Variants in ARHGAP42 observed in about 807,000 individuals in gnomAD.
ARHGAP42 encodes Rho GTPase activating protein 42, also known as rho GTPase-activating protein 42.
ARHGAP42 carries 63 observed loss-of-function variants against 125.0 expected under a neutral mutation model. The observed-to-expected ratio is 0.50, with a 90% confidence interval of 0.41 to 0.62. The LOEUF is 0.62. Among genes scored for constraint, ARHGAP42 ranks in the 20% least tolerant of loss-of-function variants. The probability of loss-of-function intolerance (pLI) is 0.00; values close to 1 mark genes in which losing one functional copy is unlikely to be tolerated. For synonymous variants in ARHGAP42, 339 were observed against 351.0 expected, an observed-to-expected ratio of 0.97 and a Z score of 0.38; for missense variants, 766 against 1,024.2, an observed-to-expected ratio of 0.75 and a Z score of 3.44.
chr11:100,847,050 A>G (rs1431971703), intron 3 of ARHGAP42, among the ~76,000 whole-genome samples: 3 of 152,166 alleles, frequency 2.0e-5, no homozygotes, highest in African/African-American at 4.8e-5. Context: ...GTCCAGTGAC[A>G]GTGGGATGGA....
At chr11:100,967,072 C>T (rs1014862140) in intron 17 of ARHGAP42, among the ~76,000 whole-genome samples, 1 of 152,096 alleles carries the variant, frequency 6.6e-6, no homozygotes, top group African/African-American at 2.4e-5. Context: ...CCCTGCTCAC[C>T]GAATGTGCAT....
chr11:100,776,477 G>A (rs1863123036), intron 2 of ARHGAP42, among the ~76,000 whole-genome samples: 1 of 152,160 alleles, frequency 6.6e-6, no homozygotes, highest in African/African-American at 2.4e-5. Context: ...CTGTGGTAGT[G>A]ACAGGCAATA....
At position 100,901,743 on chromosome 11, in the gene ARHGAP42, G is replaced by C. The variant is rs188489264; in HGVS notation, c.385-11709G>C. 5.8e-3 allele frequency among the ~76,000 whole-genome samples: 889 copies of C among 152,350 alleles called. 11 individuals are homozygous for C. The highest frequency in any genetic ancestry group is 0.02 in the African/African-American group (847 of 41,578). On this transcript the variant is annotated intron_variant, in intron 4 of 23. Coordinates refer to ENST00000298815, the MANE Select transcript of ARHGAP42 (RefSeq NM_152432.4). Reference sequence around the variant, plus strand: ...GCCAGGCACGGGAGAGAATCTCCTTGTCTGCTGGTTGCTAAGACCTTGGGA... The same window carrying C: ...GCCAGGCACGGGAGAGAATCTCCTTCTCTGCTGGTTGCTAAGACCTTGGGA...
intron 4 of ARHGAP42, among the ~76,000 whole-genome samples, chr11:100,905,614 G>A (rs1272793369): frequency 6.6e-6 from 1 of 151,990 alleles, no homozygotes; most frequent in Non-Finnish European, 1.5e-5. Context: ...TTGTTTCTTG[G>A]CATCAGTAAT....
At chr11:100,929,569 C>T (rs896216786) in intron 6 of ARHGAP42, among the ~76,000 whole-genome samples, 1 of 152,190 alleles carries the variant, frequency 6.6e-6, no homozygotes, top group African/African-American at 2.4e-5. Flanking sequence ...CCCTCACACA[C>T]ACTTGCTATT....
intron 4 of ARHGAP42, among the ~76,000 whole-genome samples, chr11:100,863,048 AAAAAACAC>A (rs1262340530): frequency 4.3e-5 from 4 of 92,376 alleles, no homozygotes; most frequent in East Asian, 4.7e-4. Context: ...AAAAAAAAAA[AAAAAACAC>A]AAAACACACA....
intron 1 of ARHGAP42, among the ~76,000 whole-genome samples, chr11:100,710,116 A>G (rs1380753163): frequency 6.6e-6 from 1 of 152,228 alleles, no homozygotes; most frequent in Non-Finnish European, 1.5e-5. Context: ...TAATGTGGAC[A>G]GCTTAAGTCA....
At chr11:100,756,118 G>T (rs1423902587) in intron 1 of ARHGAP42, among the ~76,000 whole-genome samples, 1 of 151,386 alleles carries the variant, frequency 6.6e-6, no homozygotes, top group African/African-American at 2.4e-5. Flanking sequence ...AGGCATGGTG[G>T]GTCATGCCTG....
intron 4 of ARHGAP42, among the ~76,000 whole-genome samples, chr11:100,868,660 TG>T: frequency 6.6e-6 from 1 of 152,290 alleles, no homozygotes; most frequent in South Asian, 2.1e-4. Context: ...TAAGGAATAC[TG>T]ATGAGCTCAT....
At chr11:100,932,604 G>A (rs1187197075) in intron 6 of ARHGAP42, among the ~76,000 whole-genome samples, 3 of 152,130 alleles carry the variant, frequency 2.0e-5, no homozygotes, top group Non-Finnish European at 2.9e-5. Context: ...CTAGTTCAAT[G>A]ATTTTGCTCA....
chr11:100,752,998 T>C (rs1346371037), intron 1 of ARHGAP42, among the ~76,000 whole-genome samples: 1 of 152,194 alleles, frequency 6.6e-6, no homozygotes, highest in Non-Finnish European at 1.5e-5. Flanking sequence ...CCAGGGGATG[T>C]ACTCTGGTTT....
At position 100,795,327 on chromosome 11, in the gene ARHGAP42, C is replaced by T. The variant is rs140409311; in HGVS notation, c.312+161C>T. ...TGAAAAGATTTGTGACTATAATTATCATATATTGCTGATAAGATATACCAT... is the reference window on the plus strand; with the variant it reads ...TGAAAAGATTTGTGACTATAATTATTATATATTGCTGATAAGATATACCAT... On this transcript the variant is annotated intron_variant, in intron 3 of 23. Transcript: ENST00000298815. Among the ~76,000 whole-genome samples, 1,227 of 152,270 alleles carry T rather than the reference C, an allele frequency of 8.1e-3. 16 individuals carry two copies. Among genetic ancestry groups the T allele is most frequent in the South Asian group, 0.018 (89 of 4,828 alleles).
chr11:100,747,422 T>G (rs1862329821), intron 1 of ARHGAP42, among the ~76,000 whole-genome samples: 1 of 152,246 alleles, frequency 6.6e-6, no homozygotes, highest in South Asian at 2.1e-4. Context: ...ATTTTTAATG[T>G]CTGACCATAA....
At chr11:100,725,934 C>CAAG (rs1347492990) in intron 1 of ARHGAP42, among the ~76,000 whole-genome samples, 2 of 99,280 alleles carry the variant, frequency 2.0e-5, no homozygotes, top group Non-Finnish European at 4.1e-5. Flanking sequence ...GACTCCGTCT[C>CAAG]AAAAAAAAAA....
chr11:100,894,749 TA>T (rs1177113102), intron 4 of ARHGAP42, among the ~76,000 whole-genome samples: 3 of 152,216 alleles, frequency 2.0e-5, no homozygotes, highest in African/African-American at 7.2e-5. Flanking sequence ...GAAATTTTGA[TA>T]ATGGAATTTT....
At chr11:100,842,945 A>G (rs1248463496) in intron 3 of ARHGAP42, among the ~76,000 whole-genome samples, 2 of 152,118 alleles carry the variant, frequency 1.3e-5, no homozygotes, top group Admixed American at 6.6e-5. Context: ...ACCCAAACCC[A>G]GCAGAAGAAA....
intron 12 of ARHGAP42, among the ~76,000 whole-genome samples, chr11:100,958,454 T>C (rs1036250918): frequency 6.6e-6 from 1 of 152,060 alleles, no homozygotes; most frequent in African/African-American, 2.4e-5. Flanking sequence ...TTGATGGCAA[T>C]ACTTATTTTA....
chr11:100,840,149 C>A (rs1591227277), intron 3 of ARHGAP42, among the ~76,000 whole-genome samples: 1 of 152,286 alleles, frequency 6.6e-6, no homozygotes, highest in Non-Finnish European at 1.5e-5. Flanking sequence ...TTGTATCAAA[C>A]ATGCCCTCCA....
intron 4 of ARHGAP42, among the ~76,000 whole-genome samples, chr11:100,900,127 G>C (rs1185045326): frequency 1.3e-5 from 2 of 151,608 alleles, no homozygotes; most frequent in Non-Finnish European, 2.9e-5. Context: ...CTTGGCATTT[G>C]CTTGTTTGTA....
Sources: allele counts gnomAD v4.1 joint callset (sites outside exome capture counted in the v4.1 genomes callset), GRCh38; gene constraint gnomAD v4.1.1; transcripts MANE v1.5; gene names NCBI Gene and HGNC (gene_info 2026-07-23, HGNC 2026-07-21).